UGT2B11: variants seen among roughly 807,000 people sequenced by gnomAD.
The protein encoded by UGT2B11 is UDP glucuronosyltransferase family 2 member B11.
In UGT2B11, 49 loss-of-function variants were observed where a neutral mutation model predicts 51.7. The ratio of observed to expected loss-of-function variants is 0.95; its 90% CI spans 0.75 to 1.20. The LOEUF is 1.20. UGT2B11 is among the 50% of genes most tolerant of loss of function. The pLI is 0.00. For missense variants in UGT2B11, 810 were observed against 622.1 expected (o/e 1.30, Z -3.21); for synonymous variants, 273 against 209.0 (o/e 1.31, Z -2.64).
chr4:69,215,342 C>A (rs1261973692), upstream of UGT2B11: 1 of 151,936 alleles, frequency 6.6e-6, no homozygotes, highest in Admixed American at 6.6e-5. Flanking sequence ...TAGAAACACA[C>A]CTATTCAGGA....
At chr4:69,216,113 G>A (rs1722266371), upstream of UGT2B11, 1 of 151,986 alleles carries the variant, frequency 6.6e-6, no homozygotes, top group Admixed American at 6.6e-5. Flanking sequence ...GTAAATGGAT[G>A]ATAGTAGACC....
the UGT2B11 span, among the ~76,000 whole-genome samples, chr4:69,221,786 C>T: frequency 1.3e-5 from 2 of 152,156 alleles, no homozygotes; most frequent in Non-Finnish European, 2.9e-5. Context: ...CACTTCCTGG[C>T]CCTCAATGGT....
At position 69,204,442 on chromosome 4, in the gene UGT2B11, A is replaced by C; in HGVS notation, c.1298T>G (p.Ile433Ser). The C allele has an allele frequency of 2.5e-6, 4 of 1,611,758 alleles. No individual in the cohort carries two copies. The highest frequency in any genetic ancestry group is 3.4e-6 in the Non-Finnish European group (4 of 1,178,486). The change falls in exon 5 of 6, where the codon ATT becomes AGT. Residue 433 changes from isoleucine to serine, a missense_variant. Transcript: ENST00000446444. Reference sequence around the variant, plus strand: ...TTGTTCTACTCACAAAGGATCATTAATTACTGTCTTCAGTGCATTCAGCAG... The same window carrying C: ...TTGTTCTACTCACAAAGGATCATTACTTACTGTCTTCAGTGCATTCAGCAG... ...TDLLNALKTV[I>S]NDPLYKENIM...
intron 3 of UGT2B11, among the ~76,000 whole-genome samples, chr4:69,207,218 A>T (rs1397064378): frequency 3.3e-5 from 5 of 151,690 alleles, no homozygotes; most frequent in Non-Finnish European, 5.9e-5. Flanking sequence ...AACAGTGATT[A>T]ATATGTTCTG....
rs1721621519 is a variant in UGT2B11 at position 69,200,639 on chromosome 4, A to G, written c.1391T>C (p.Ile464Thr). 3 of 1,612,460 alleles carry G rather than the reference A, an allele frequency of 1.9e-6. No individual in the cohort carries two copies. The highest frequency in any genetic ancestry group is 2.5e-6 in the Non-Finnish European group (3 of 1,178,940). Reference sequence around the variant, plus strand: ...TCCTTTGTGGGGCATGACAAATTCAATCCAGAAGACTGCTCGATCCAGGGG... The same window carrying G: ...TCCTTTGTGGGGCATGACAAATTCAGTCCAGAAGACTGCTCGATCCAGGGG... ...VKPLDRAVFWIEFVMPHKGAK... is the reference protein window; with the variant it reads ...VKPLDRAVFWTEFVMPHKGAK... Residue 464 changes from isoleucine to threonine, a missense_variant, in exon 6 of 6, where the codon ATT becomes ACT. Physicochemically the swap from Ile to Thr is moderately conservative, Grantham distance 89 (BLOSUM62 -1). Coordinates refer to ENST00000446444, the MANE Select transcript of UGT2B11 (RefSeq NM_001073.3).
intron 2 of UGT2B11, among the ~76,000 whole-genome samples, chr4:69,211,508 T>C (rs867263063): frequency 2.2e-4 from 33 of 151,756 alleles, no homozygotes; most frequent in Middle Eastern, 6.8e-3. Flanking sequence ...AAGTAGTTAG[T>C]AGTATTAGTA....
chr4:69,206,772 A>AT (rs1417590178), intron 3 of UGT2B11, among the ~76,000 whole-genome samples: 1 of 151,660 alleles, frequency 6.6e-6, no homozygotes, highest in Non-Finnish European at 1.5e-5. Context: ...TATGTATTTT[A>AT]TATTAGTTTT....
the UGT2B11 span, among the ~76,000 whole-genome samples, chr4:69,224,025 A>G: frequency 6.1e-3 from 933 of 152,250 alleles, 8 homozygotes; most frequent in African/African-American, 0.021. Flanking sequence ...TGATGTGGGG[A>G]ACCATACACT....
the UGT2B11 span, among the ~76,000 whole-genome samples, chr4:69,220,837 A>T: frequency 1.3e-5 from 2 of 152,200 alleles, no homozygotes; most frequent in East Asian, 3.9e-4. Context: ...TCAACTGTTA[A>T]TAAGTCTAGG....
At chr4:69,219,291 G>A (rs1278370957), upstream of UGT2B11, among the ~76,000 whole-genome samples, 1 of 151,994 alleles carries the variant, frequency 6.6e-6, no homozygotes, top group Non-Finnish European at 1.5e-5. Context: ...TAATGGAGTT[G>A]TTTGTGTATG....
At chr4:69,200,803 A>G (rs1163248484) in intron 5 of UGT2B11, 84 bp from the exon 6 acceptor site, 5 of 1,361,774 alleles carry the variant, frequency 3.7e-6, no homozygotes, top group African/African-American at 3.0e-5. Context: ...CTTTTAAAGC[A>G]TCAAATAATT....
chr4:69,200,107 G>A lies in UGT2B11; in HGVS notation c.*333C>T, dbSNP rs1388820627. ...TGTAAAATGTGTGAAATATAGTTAA[G>A]CTGAGTAAATTTTTTCATGTAACTT... On this transcript the variant is annotated 3_prime_UTR_variant, in exon 6 of 6. Coordinates refer to ENST00000446444, the MANE Select transcript of UGT2B11 (RefSeq NM_001073.3). The A allele has an allele frequency of 5.2e-6, 1 of 190,830 alleles. No homozygotes were observed. The highest frequency in any genetic ancestry group is 1.1e-5 in the Non-Finnish European group (1 of 94,630). The allele number at this position is 190,830 out of a possible 1,614,324, so 11.8% of individuals were successfully genotyped here.
the UGT2B11 span, among the ~76,000 whole-genome samples, chr4:69,223,375 C>G: frequency 5.4e-4 from 82 of 152,178 alleles, no homozygotes; most frequent in Non-Finnish European, 1.1e-3. Context: ...AGGTCAGGCC[C>G]AGATGTGCTC....
chr4:69,210,951 G>A (rs1722037592), intron 2 of UGT2B11: 1 of 151,594 alleles, frequency 6.6e-6, no homozygotes. Flanking sequence ...AATCTTATAT[G>A]CTGACAGAAG....
At position 69,200,677 on chromosome 4, in the gene UGT2B11, A is replaced by G. The variant is rs754290829; in HGVS notation, c.1353T>C (p.Asp451=). ...CTCGATCCAGGGGCTTTACTGGTTG[A>G]TCATGTTGAATTCTTGATAATTTCA... ...NIMKLSRIQH[D]QPVKPLDRAV... Residue 451 remains aspartate (D), a synonymous_variant, in exon 6 of 6, where the codon GAT becomes GAC. Transcript: ENST00000446444. The G allele has an allele frequency of 5.6e-6, 9 of 1,611,810 alleles. No individual in the cohort carries two copies. Among genetic ancestry groups the G allele is most frequent in the Middle Eastern group, 1.7e-4 (1 of 6,058 alleles).
chr4:69,211,072 A>G (rs981105630), intron 2 of UGT2B11: 16 of 151,512 alleles, frequency 1.1e-4, no homozygotes, highest in Admixed American at 3.3e-4. Context: ...TCAGGCACCT[A>G]TGATGTTGAG....
chr4:69,215,881 A>T (rs568218449), upstream of UGT2B11: 6 of 152,206 alleles, frequency 3.9e-5, no homozygotes, highest in Admixed American at 3.3e-4. Context: ...TTGGAGGGAA[A>T]AGTGAATAAA....
In UGT2B11 at chr4:69,204,874, G is replaced by C. The variant is rs896257055; in HGVS notation, c.1091-225C>G. On this transcript the variant is annotated intron_variant, in intron 4 of 5. Coordinates refer to ENST00000446444, the MANE Select transcript of UGT2B11 (RefSeq NM_001073.3). ...AAACTTAATACAAGATTTTCAGTTG[G>C]ACTAATGAAAAGTGCATTCTAGATT... is the stretch of plus-strand genomic sequence containing the variant. 7.2e-5 allele frequency among the ~76,000 whole-genome samples: 11 copies of C among 151,802 alleles called. No homozygotes were observed. The South Asian group carries it at 8.3e-4, about 11-fold the overall frequency.
upstream of UGT2B11, chr4:69,216,778 G>A (rs984675821): frequency 5.9e-5 from 9 of 152,068 alleles, no homozygotes; most frequent in Non-Finnish European, 1.0e-4. Context: ...TTTTGTGTTT[G>A]CATGTGTGAA....
Sources: gnomAD v4.1 joint callset for allele counts (sites outside exome capture counted in the v4.1 genomes callset) on GRCh38, gnomAD v4.1.1 for gene constraint, MANE v1.5 for transcripts, NCBI Gene and HGNC (gene_info 2026-07-23, HGNC 2026-07-21) for gene names.